PPP2R1A: variants seen among roughly 807,000 people sequenced by gnomAD.
PPP2R1A encodes protein phosphatase 2 scaffold subunit Aalpha.
A neutral mutation model predicts 67.1 loss-of-function variants in PPP2R1A; 15 were observed. The observed-to-expected ratio is 0.22, with a 90% CI of 0.15 to 0.34. PPP2R1A has a LOEUF of 0.34. Among genes scored for constraint, PPP2R1A ranks in the 10% least tolerant of loss-of-function variants. The pLI, the probability that PPP2R1A is intolerant of heterozygous loss-of-function variation, is 1.00. For missense variants in PPP2R1A, 369 were observed against 775.0 expected (o/e 0.48, Z 6.22); for synonymous variants, 337 against 325.0 (o/e 1.04, Z -0.40).
At chr19:52,196,515 C>T (rs951166894) in intron 1 of PPP2R1A, among the ~76,000 whole-genome samples, 6 of 152,202 alleles carry the variant, frequency 3.9e-5, no homozygotes, top group Non-Finnish European at 7.3e-5. Context: ...TTCTTTCCCT[C>T]CTCCCTTTTA....
chr19:52,196,892 A>AC (rs1327759036), intron 1 of PPP2R1A, among the ~76,000 whole-genome samples: 1 of 152,104 alleles, frequency 6.6e-6, no homozygotes, highest in African/African-American at 2.4e-5. Context: ...GATAAGTGTG[A>AC]CCCCCATCCC....
At chr19:52,192,298 CT>C (rs60482392) in intron 1 of PPP2R1A, among the ~76,000 whole-genome samples, 2,912 of 144,176 alleles carry the variant, frequency 0.02, 94 homozygotes, top group African/African-American at 0.067. Context: ...ATGTAATGGC[CT>C]TTTTTTTTTT....
chr19:52,197,833 G>A (rs916007942), intron 1 of PPP2R1A, among the ~76,000 whole-genome samples: 12 of 152,266 alleles, frequency 7.9e-5, no homozygotes, highest in African/African-American at 2.4e-4. Flanking sequence ...GCCTCAAGAC[G>A]GGGGATTCTG....
chr19:52,224,946 C>G (rs1214221398), intron 13 of PPP2R1A, among the ~76,000 whole-genome samples: 1 of 151,848 alleles, frequency 6.6e-6, no homozygotes, highest in Non-Finnish European at 1.5e-5. Context: ...AGTGGTCTGC[C>G]CACCTTGGCG....
intron 12 of PPP2R1A, among the ~76,000 whole-genome samples, chr19:52,221,573 T>G (rs3745097): frequency 0.16 from 24,753 of 152,046 alleles, 2,588 homozygotes; most frequent in African/African-American, 0.3. Context: ...CATTTGTAAA[T>G]AATTCATACT....
At position 52,211,202 on chromosome 19, in the gene PPP2R1A, T is replaced by C; in HGVS notation, c.271-58T>C. Reference sequence around the variant, plus strand: ...CCCATGATGGGGTGCAGGATGGGGCTCCAGGGCTGCGGATGGTGGAGAGGG... The same window carrying C: ...CCCATGATGGGGTGCAGGATGGGGCCCCAGGGCTGCGGATGGTGGAGAGGG... On this transcript the variant is annotated intron_variant, in intron 3 of 14. Transcript: ENST00000322088. The surrounding 1 kb of genome is among the most constrained non-coding windows in gnomAD (Gnocchi z 5.3). 1.3e-6 allele frequency: 2 copies of C among 1,538,964 alleles called. No homozygotes were observed. The highest frequency in any genetic ancestry group is 2.3e-5 in the South Asian group (2 of 85,924).
At chr19:52,195,819 C>T (rs989499367) in intron 1 of PPP2R1A, among the ~76,000 whole-genome samples, 40 of 152,092 alleles carry the variant, frequency 2.6e-4, no homozygotes, top group East Asian at 1.9e-4. Flanking sequence ...TCTGTGTGTT[C>T]GGCTATGTTG....
chr19:52,223,904 C>G (rs755269468), intron 13 of PPP2R1A, among the ~76,000 whole-genome samples: 39 of 152,096 alleles, frequency 2.6e-4, no homozygotes, highest in Non-Finnish European at 4.7e-4. Context: ...CTGTTTCTGT[C>G]AGAAGAATGT....
At chr19:52,203,555 T>C (rs946614453) in intron 2 of PPP2R1A, among the ~76,000 whole-genome samples, 14 of 152,222 alleles carry the variant, frequency 9.2e-5, no homozygotes, top group Non-Finnish European at 7.3e-5. Context: ...ACTCGGGGTG[T>C]GTAGGGAAAA....
intron 9 of PPP2R1A, among the ~76,000 whole-genome samples, chr19:52,217,818 G>A (rs1295117320): frequency 6.6e-6 from 1 of 152,096 alleles, no homozygotes; most frequent in Non-Finnish European, 1.5e-5. Context: ...ATGAGAGGCG[G>A]TGCTGGGTGA....
At position 52,216,397 on chromosome 19, in the gene PPP2R1A, C is replaced by T; in HGVS notation, c.994-132C>T. On this transcript the variant is annotated intron_variant, in intron 8 of 14. Transcript: ENST00000322088. The surrounding 1 kb of genome is among the most constrained non-coding windows in gnomAD (Gnocchi z 4.3). ...AAGGAATAGTGATTTCCCCTGTACC[C>T]TAAGCCATCCCCTGCTCTATGAATG... The T allele has an allele frequency of 8.0e-7, 1 of 1,243,064 alleles. No homozygotes were observed. The highest frequency in any genetic ancestry group is 1.1e-6 in the Non-Finnish European group (1 of 892,912). The allele number at this position is 1,243,064 out of a possible 1,614,324, so 77.0% of individuals were successfully genotyped here.
In PPP2R1A at chr19:52,212,853, CCT is replaced by C. The variant is rs1481918873; in HGVS notation, c.651+23_651+24del. ...GAGCAGGTGAGTTTTGCTTCCTGGC[CCT>C]CTGCTCTCCCGTCCTTCTGGTGGTT... On this transcript the variant is annotated intron_variant, in intron 5 of 14. Coordinates refer to ENST00000322088, the MANE Select transcript of PPP2R1A (RefSeq NM_014225.6). This position sits in a 1 kb window ranked among gnomAD's most constrained non-coding sequence, Gnocchi z 4.1. The C allele has an allele frequency of 1.9e-6, 3 of 1,583,314 alleles. No individual in the cohort carries two copies. Among genetic ancestry groups the C allele is most frequent in the African/African-American group, 2.7e-5 (2 of 74,288 alleles).
Position 52,216,436 on chromosome 19 carries a change from C to T in PPP2R1A, c.994-93C>T, listed in dbSNP as rs1445903860. ...GCTCTATGAATGAGAGGGGCAGAAG[C>T]AGGTTATTGTCTCTTAGGAGTTGGC... On this transcript the variant is annotated intron_variant, in intron 8 of 14. Transcript: ENST00000322088. The surrounding 1 kb of genome is among the most constrained non-coding windows in gnomAD (Gnocchi z 4.3). 6.7e-7 allele frequency: 1 copy of T among 1,483,938 alleles called. No homozygotes were observed. Among genetic ancestry groups the T allele is most frequent in the Non-Finnish European group, 9.3e-7 (1 of 1,079,718 alleles). The allele number at this position is 1,483,938 out of a possible 1,614,324, so 91.9% of individuals were successfully genotyped here.
chr19:52,204,126 A>G (rs2089578863), intron 2 of PPP2R1A, among the ~76,000 whole-genome samples: 1 of 152,206 alleles, frequency 6.6e-6, no homozygotes, highest in Non-Finnish European at 1.5e-5. Context: ...AGAGCATTTC[A>G]GGCTGTGGGG....
At chr19:52,208,756 C>T (rs1029879671) in intron 3 of PPP2R1A, among the ~76,000 whole-genome samples, 1 of 152,164 alleles carries the variant, frequency 6.6e-6, no homozygotes, top group Admixed American at 6.5e-5. Flanking sequence ...GCCTTGGCCT[C>T]CCAAAGTTCT....
At position 52,211,162 on chromosome 19, in the gene PPP2R1A, C is replaced by G. The variant is rs1202978918; in HGVS notation, c.271-98C>G. The G allele has an allele frequency of 5.1e-6, 6 of 1,182,566 alleles. No individual in the cohort carries two copies. The highest frequency in any genetic ancestry group is 7.1e-6 in the Non-Finnish European group (6 of 839,372). The allele number at this position is 1,182,566 out of a possible 1,614,324, so 73.3% of individuals were successfully genotyped here. A position where few individuals can be genotyped will look rare whatever the true frequency, so the allele number is the denominator to read the frequency against. Reference sequence around the variant, plus strand: ...TCGGGATGGGTAATAGGGAAGTTTTCTCTGAGGAGATGAGCCCATGATGGG... The same window carrying G: ...TCGGGATGGGTAATAGGGAAGTTTTGTCTGAGGAGATGAGCCCATGATGGG... On this transcript the variant is annotated intron_variant, in intron 3 of 14. Transcript: ENST00000322088. The surrounding 1 kb of genome is among the most constrained non-coding windows in gnomAD (Gnocchi z 5.3).
At chr19:52,221,910 G>A in intron 12 of PPP2R1A, 189 bp from the exon 13 acceptor site, 1 of 542,038 alleles carries the variant, frequency 1.8e-6, no homozygotes, top group Non-Finnish European at 3.2e-6. Flanking sequence ...CCTGAGGACA[G>A]AGAAACTGGG....
chr19:52,219,840 C>T lies in PPP2R1A; in HGVS notation c.1278C>T (p.Tyr426=), dbSNP rs2122360820. The change falls in exon 10 of 15, where the codon TAC becomes TAT. Residue 426 remains tyrosine, a synonymous_variant. Coordinates refer to ENST00000322088, the MANE Select transcript of PPP2R1A (RefSeq NM_014225.6). The surrounding 1 kb of genome is among the most constrained non-coding windows in gnomAD (Gnocchi z 4.0). ...GGGTGCGGCTGGCCATCATTGAGTA[C>T]ATGCCCCTCCTGGCTGGACAGCTGG... ...KWRVRLAIIE[Y]MPLLAGQLGV... is the part of the protein sequence containing the mutation. 1 of 1,612,046 alleles carries T rather than the reference C, an allele frequency of 6.2e-7. No individual in the cohort carries two copies. Among genetic ancestry groups the T allele is most frequent in the East Asian group, 2.2e-5 (1 of 44,864 alleles).
rs1253789680 is a variant in PPP2R1A, at chr19:52,226,649, C to T, written c.*668C>T. On this transcript the variant is annotated 3_prime_UTR_variant, in exon 15 of 15. Transcript: ENST00000322088. Reference sequence around the variant, plus strand: ...GCAGTTCAGATTCATAGATGTCGGCCGAGTATTTGGGGGGTTAAGAGCAGG... The same window carrying T: ...GCAGTTCAGATTCATAGATGTCGGCTGAGTATTTGGGGGGTTAAGAGCAGG... The T allele has an allele frequency of 5.6e-6, 1 of 177,848 alleles. No homozygotes were observed. Among genetic ancestry groups the T allele is most frequent in the African/African-American group, 2.4e-5 (1 of 42,236 alleles). The allele number at this position is 177,848 out of a possible 1,614,324, so 11.0% of individuals were successfully genotyped here.
Sources: gnomAD v4.1 joint callset for allele counts (sites outside exome capture counted in the v4.1 genomes callset) on GRCh38, gnomAD v4.1.1 for gene constraint, Gnocchi (gnomAD v3.1) non-coding constraint, MANE v1.5 for transcripts, NCBI Gene and HGNC (gene_info 2026-07-23, HGNC 2026-07-21) for gene names.